SAFB: variants seen among roughly 807,000 people sequenced by gnomAD.
The protein encoded by SAFB is scaffold attachment factor B1.
SAFB carries 15 observed loss-of-function variants against 101.6 expected under a neutral mutation model. The observed-to-expected ratio is 0.15, with a 90% CI of 0.10 to 0.23. SAFB has a LOEUF of 0.23. SAFB is among the 10% of genes least tolerant of loss of function. The pLI is 1.00. For missense variants in SAFB, 930 were observed against 1,104.1 expected, an observed-to-expected ratio of 0.84 and a Z score of 2.23; for synonymous variants, 449 against 407.5, an observed-to-expected ratio of 1.10 and a Z score of -1.23.
At position 5,623,298 on chromosome 19, in the gene SAFB, C is replaced by G. The variant is rs746792842; in HGVS notation, c.93C>G (p.Leu31=). ...SASSETGTRR[L]SDLRVIDLRA... ...CGTCAGAGACCGGGACGCGGCGCCTCAGCGACCTGCGAGTGATCGATCTGC... is the reference window on the plus strand; with the variant it reads ...CGTCAGAGACCGGGACGCGGCGCCTGAGCGACCTGCGAGTGATCGATCTGC... The change falls in exon 1 of 21, where the codon CTC becomes CTG. Residue 31 remains leucine (L), a synonymous_variant. Coordinates refer to ENST00000588852, the MANE Select transcript of SAFB (RefSeq NM_001201338.2). The G allele has an allele frequency of 1.7e-5, 28 of 1,613,964 alleles. 2 individuals carry two copies. The highest frequency in any genetic ancestry group is 3.3e-4 in the Middle Eastern group (2 of 6,062).
At chr19:5,627,062 G>A (rs1430739996) in intron 2 of SAFB, among the ~76,000 whole-genome samples, 8 of 152,050 alleles carry the variant, frequency 5.3e-5, no homozygotes, top group African/African-American at 1.7e-4. Context: ...TGTGATCCCA[G>A]CTACTTGGGA....
At chr19:5,665,994 T>C (rs1246875022) in intron 17 of SAFB, 1 of 152,202 alleles carries the variant, frequency 6.6e-6, no homozygotes, top group Admixed American at 6.6e-5. Flanking sequence ...CCGCCATCTC[T>C]CCCTTCACCC....
Position 5,664,007 on chromosome 19 carries a change from C to T in SAFB, c.2154-15C>T, listed in dbSNP as rs374634305. The T allele has an allele frequency of 2.0e-5, 33 of 1,612,744 alleles. No homozygotes were observed. The African/African-American group carries it at 4.4e-4, about 21-fold the overall frequency. On this transcript the variant is annotated splice_polypyrimidine_tract_variant and intron_variant, in intron 15 of 20. Coordinates refer to ENST00000588852, the MANE Select transcript of SAFB (RefSeq NM_001201338.2). ...GTGGGGGATCCCTCTATCTCTGTCT[C>T]ATGTCCCCTCACAGGCGAGATGATG...
At chr19:5,655,790 G>T (rs1443919961) in intron 13 of SAFB, among the ~76,000 whole-genome samples, 1 of 152,180 alleles carries the variant, frequency 6.6e-6, no homozygotes, top group African/African-American at 2.4e-5. Context: ...ACGGAAAAAG[G>T]AAAGTGTGGG....
chr19:5,650,864 G>T (rs1457256475), intron 8 of SAFB, 114 bp from the exon 9 acceptor site: 1 of 685,704 alleles, frequency 1.5e-6, no homozygotes, highest in Non-Finnish European at 2.5e-6. Context: ...TTGGCTTTTA[G>T]TGCTGCCACT....
intron 6 of SAFB, chr19:5,648,716 G>T: frequency 3.4e-6 from 2 of 595,182 alleles, no homozygotes; most frequent in Non-Finnish European, 6.1e-6. Flanking sequence ...AACGACGACA[G>T]AATGAAGACT....
intron 6 of SAFB, chr19:5,648,279 C>T (rs1165102888): frequency 1.9e-6 from 1 of 527,938 alleles, no homozygotes; most frequent in Non-Finnish European, 3.3e-6. Context: ...ATGAAAGTAT[C>T]TCATGCCTTT....
At chr19:5,641,508 T>C in intron 2 of SAFB, 86 bp from the exon 3 acceptor site, 1 of 1,083,726 alleles carries the variant, frequency 9.2e-7, no homozygotes, top group Non-Finnish European at 1.4e-6. Context: ...GTTTATAAAG[T>C]GACCACTTGT....
At chr19:5,656,432 T>G (rs1056031832) in intron 13 of SAFB, among the ~76,000 whole-genome samples, 1 of 152,038 alleles carries the variant, frequency 6.6e-6, no homozygotes, top group African/African-American at 2.4e-5. Flanking sequence ...CCTGCCACTA[T>G]GCCCGGCTAA....
chr19:5,635,531 A>G (rs2053578041), intron 2 of SAFB, among the ~76,000 whole-genome samples: 1 of 152,118 alleles, frequency 6.6e-6, no homozygotes, highest in South Asian at 2.1e-4. Context: ...TATACTTAGG[A>G]GGATGAATCT....
Position 5,661,771 on chromosome 19 carries a change from C to A in SAFB, c.2116C>A (p.Arg706=). ...RQQELRYEQE[R]RPAVRRPYDL... Reference sequence around the variant, plus strand: ...GCAGGAACTGCGCTATGAGCAGGAGCGGCGGCCCGCGGTGCGGCGGCCCTA... The same window carrying A: ...GCAGGAACTGCGCTATGAGCAGGAGAGGCGGCCCGCGGTGCGGCGGCCCTA... The change falls in exon 15 of 21, where the codon CGG becomes AGG. Residue 706 remains arginine, a synonymous_variant. Transcript: ENST00000588852. 1 of 1,568,416 alleles carries A rather than the reference C, an allele frequency of 6.4e-7. No homozygotes were observed. Among genetic ancestry groups the A allele is most frequent in the East Asian group, 2.3e-5 (1 of 42,862 alleles).
At chr19:5,666,876 T>TG in intron 17 of SAFB, 170 bp from the exon 18 acceptor site, 1 of 712,802 alleles carries the variant, frequency 1.4e-6, no homozygotes, top group Non-Finnish European at 2.6e-6. Flanking sequence ...ACAGGGCCTC[T>TG]GGCCTGCAGA....
chr19:5,623,353 T>C lies in SAFB; in HGVS notation c.148T>C (p.Ser50Pro). 1.2e-6 allele frequency: 2 copies of C among 1,613,970 alleles called. No individual in the cohort carries two copies. The highest frequency in any genetic ancestry group is 2.7e-5 in the African/African-American group (2 of 75,060). ...GGAGCTGAGGAAACGGAATGTGGAC[T>C]CGAGCGGCAACAAGAGCGTTTTGAT... is the stretch of plus-strand genomic sequence containing the variant. The part of the protein sequence containing the change: ...RAELRKRNVD[S>P]SGNKSVLMER... The change falls in exon 1 of 21, where the codon TCG (serine) becomes CCG (proline). Residue 50 changes from serine (S) to proline (P), a missense_variant. Physicochemically the swap from Ser to Pro is moderately conservative, Grantham distance 74 (BLOSUM62 -1). Around this residue, in one of 7 missense-constraint regions of SAFB, gnomAD observed 119 missense variants for 171.4 expected, o/e 0.69. Coordinates refer to ENST00000588852, the MANE Select transcript of SAFB (RefSeq NM_001201338.2).
At chr19:5,648,846 G>A in intron 6 of SAFB, 143 bp from the exon 7 acceptor site, 5 of 539,768 alleles carry the variant, frequency 9.3e-6, no homozygotes, top group Non-Finnish European at 1.7e-5. Context: ...GTATAACTTT[G>A]TGTACCCGCG....
At chr19:5,627,736 A>G (rs1333557726) in intron 2 of SAFB, among the ~76,000 whole-genome samples, 2 of 151,764 alleles carry the variant, frequency 1.3e-5, no homozygotes, top group Admixed American at 1.3e-4. Context: ...TGCCTTAGAG[A>G]CCTAGTTCCT....
chr19:5,664,528 G>C, intron 17 of SAFB, 89 bp downstream of exon 17: 1 of 984,574 alleles, frequency 1.0e-6, no homozygotes. Context: ...CCCTTTCTTT[G>C]AGCAAGAGGC....
At chr19:5,647,824 G>A (rs1293150335) in intron 5 of SAFB, among the ~76,000 whole-genome samples, 192 bp from the exon 6 acceptor site, 2 of 152,212 alleles carry the variant, frequency 1.3e-5, no homozygotes, top group African/African-American at 2.4e-5. Context: ...ACTGAATGGA[G>A]GGTGGGCTGA....
intron 13 of SAFB, among the ~76,000 whole-genome samples, chr19:5,655,479 A>AC (rs1491060472): frequency 2.7e-4 from 40 of 149,964 alleles, no homozygotes; most frequent in South Asian, 1.0e-3. Context: ...AAAAAAAAAA[A>AC]ACACACACCT....
chr19:5,631,768 GT>G (rs1383463057), intron 2 of SAFB, among the ~76,000 whole-genome samples: 1 of 152,200 alleles, frequency 6.6e-6, no homozygotes, highest in African/African-American at 2.4e-5. Flanking sequence ...ATCAGGGGCT[GT>G]GCGAGATGGC....
Sources: gnomAD v4.1 joint callset for allele counts (sites outside exome capture counted in the v4.1 genomes callset) on GRCh38, gnomAD v4.1.1 for gene constraint, gnomAD v4.1.1 regional missense constraint, MANE v1.5 for transcripts, NCBI Gene and HGNC (gene_info 2026-07-23, HGNC 2026-07-21) for gene names.